ASAP1: variants seen among roughly 807,000 people sequenced by gnomAD.
The protein encoded by ASAP1 is arf-GAP with SH3 domain, ANK repeat and PH domain-containing protein 1.
Under a neutral mutation model 145.2 loss-of-function variants are expected in ASAP1, and 43 were observed. That is an observed-to-expected ratio of 0.30 (90% confidence interval 0.23 to 0.38). The LOEUF is 0.38. Among genes scored for constraint, ASAP1 ranks in the 10% least tolerant of loss-of-function variants. The pLI is 1.00. For missense variants in ASAP1, 1,018 were observed against 1,355.3 expected, an observed-to-expected ratio of 0.75 and a Z score of 3.91; for synonymous variants, 546 against 515.5, an observed-to-expected ratio of 1.06 and a Z score of -0.80.
chr8:130,251,204 G>A (rs960756238), intron 3 of ASAP1, among the ~76,000 whole-genome samples: 6 of 152,100 alleles, frequency 3.9e-5, no homozygotes, highest in African/African-American at 1.2e-4. Context: ...GATCACTTGA[G>A]GTCAGGAGTT....
chr8:130,347,690 T>A (rs1825778294), intron 3 of ASAP1, among the ~76,000 whole-genome samples: 1 of 152,096 alleles, frequency 6.6e-6, no homozygotes, highest in African/African-American at 2.4e-5. Flanking sequence ...GCAAGGGTGG[T>A]CTCCTGACCC....
intron 1 of ASAP1, among the ~76,000 whole-genome samples, chr8:130,413,226 T>C (rs1403021171): frequency 6.6e-6 from 1 of 152,226 alleles, no homozygotes; most frequent in Non-Finnish European, 1.5e-5. Flanking sequence ...AGGAGAGGTC[T>C]CTGCTGCATG....
intron 2 of ASAP1, among the ~76,000 whole-genome samples, chr8:130,396,688 G>A (rs58262391): frequency 0.01 from 1,584 of 152,274 alleles, 23 homozygotes; most frequent in African/African-American, 0.037. Context: ...CACGTTTCCC[G>A]TCCATGTGCA....
At position 130,419,038 on chromosome 8, in the gene ASAP1, T is replaced by C. The variant is rs73427421; in HGVS notation, c.-27-17068A>G. 5.8e-3 allele frequency among the ~76,000 whole-genome samples: 879 copies of C among 152,258 alleles called. 8 individuals carry two copies. The highest frequency in any genetic ancestry group is 0.021 in the African/African-American group (852 of 41,548). ...CTGTTCAGCAGGCCTGAGCCGAACA[T>C]GGCACATCAGGCCCTGCAGCCAGGG... On this transcript the variant is annotated intron_variant, in intron 1 of 29. Transcript: ENST00000518721.
intron 3 of ASAP1, among the ~76,000 whole-genome samples, chr8:130,311,310 T>C (rs1340499007): frequency 6.6e-6 from 1 of 152,210 alleles, no homozygotes; most frequent in African/African-American, 2.4e-5. Context: ...GGTATCCAAA[T>C]AGGTGGTAAT....
chr8:130,393,729 C>T (rs540473844), intron 2 of ASAP1, among the ~76,000 whole-genome samples: 1 of 152,336 alleles, frequency 6.6e-6, no homozygotes, highest in South Asian at 2.1e-4. Flanking sequence ...GCACTCCAGA[C>T]TGGGTGACAG....
Position 130,136,216 on chromosome 8 carries a change from A to G in ASAP1, c.1168+735T>C, listed in dbSNP as rs1486466649. ...CACCCATAGGAATCAGTACAAGCACAGGTAGCCAGCCTAAAGGAACATCTC... is the reference window on the plus strand; with the variant it reads ...CACCCATAGGAATCAGTACAAGCACGGGTAGCCAGCCTAAAGGAACATCTC... On this transcript the variant is annotated intron_variant, in intron 14 of 29. Transcript: ENST00000518721. Among the ~76,000 whole-genome samples, 4 of 152,180 alleles carry G rather than the reference A, an allele frequency of 2.6e-5. No individual in the cohort carries two copies. In the East Asian group the frequency reaches 7.7e-4, roughly 29 times the overall value.
intron 2 of ASAP1, among the ~76,000 whole-genome samples, chr8:130,379,444 T>C (rs1827663278): frequency 6.6e-6 from 1 of 152,168 alleles, no homozygotes; most frequent in Admixed American, 6.5e-5. Flanking sequence ...TGTGGAAACC[T>C]CTCAATTTAT....
chr8:130,064,317 G>T (rs776676810), intron 27 of ASAP1, among the ~76,000 whole-genome samples: 8 of 152,114 alleles, frequency 5.3e-5, no homozygotes, highest in Non-Finnish European at 1.0e-4. Flanking sequence ...GTGGAAGGGG[G>T]AAGAAACAGT....
Position 130,077,842 on chromosome 8 carries a change from T to C in ASAP1, c.2643-1436A>G, listed in dbSNP as rs2135292131. ...CCTGTCTCTGGGCAACGGGGGAATA[T>C]TGCTGAGATAAAGCCACCACTAAAC... On this transcript the variant is annotated intron_variant, in intron 26 of 29. Coordinates refer to ENST00000518721, the MANE Select transcript of ASAP1 (RefSeq NM_018482.4). 1.3e-5 allele frequency among the ~76,000 whole-genome samples: 2 copies of C among 152,278 alleles called. 1 individual carries two copies. The highest frequency in any genetic ancestry group is 4.1e-4 in the South Asian group (2 of 4,828).
chr8:130,066,832 A>G (rs2097431902), intron 27 of ASAP1, among the ~76,000 whole-genome samples: 1 of 152,206 alleles, frequency 6.6e-6, no homozygotes, highest in African/African-American at 2.4e-5. Context: ...CTCAGCAGCC[A>G]AGACTGAGGG....
chr8:130,310,828 T>C (rs759769921), intron 3 of ASAP1, among the ~76,000 whole-genome samples: 10 of 152,206 alleles, frequency 6.6e-5, no homozygotes, highest in Non-Finnish European at 1.5e-4. Context: ...AACAATTCCA[T>C]TTCCCTATAT....
chr8:130,287,014 G>A (rs75030312), intron 3 of ASAP1, among the ~76,000 whole-genome samples: 14,357 of 152,166 alleles, frequency 0.094, 872 homozygotes, highest in South Asian at 0.27. Context: ...ACTTCTTGGT[G>A]GCCAAGGAGG....
At chr8:130,234,673 G>T (rs562185948) in intron 4 of ASAP1, among the ~76,000 whole-genome samples, 1 of 152,116 alleles carries the variant, frequency 6.6e-6, no homozygotes, top group East Asian at 1.9e-4. Context: ...TCTTGAGGGG[G>T]AACATTTGGA....
At chr8:130,395,520 G>C (rs754568387) in intron 2 of ASAP1, among the ~76,000 whole-genome samples, 1 of 152,232 alleles carries the variant, frequency 6.6e-6, no homozygotes, top group Non-Finnish European at 1.5e-5. Flanking sequence ...GAGTGATGAG[G>C]CTGCAAGCTG....
intron 2 of ASAP1, among the ~76,000 whole-genome samples, chr8:130,382,546 C>T (rs866600522): frequency 2.4e-4 from 36 of 152,196 alleles, no homozygotes; most frequent in African/African-American, 8.0e-4. Context: ...ATCCCCAGCA[C>T]GCAGTGCTAC....
chr8:130,383,893 C>T (rs1000424245), intron 2 of ASAP1, among the ~76,000 whole-genome samples: 2 of 152,146 alleles, frequency 1.3e-5, no homozygotes, highest in African/African-American at 4.8e-5. Flanking sequence ...AAAGGACTTG[C>T]CCATGTCTCC....
chr8:130,300,832 A>G (rs923289241), intron 3 of ASAP1, among the ~76,000 whole-genome samples: 2 of 152,192 alleles, frequency 1.3e-5, no homozygotes, highest in Admixed American at 1.3e-4. Flanking sequence ...ACATCATCCA[A>G]ATCTTTATCT....
At chr8:130,242,272 A>AAAAC (rs1554855702) in intron 3 of ASAP1, among the ~76,000 whole-genome samples, 13 of 149,650 alleles carry the variant, frequency 8.7e-5, no homozygotes, top group African/African-American at 3.2e-4. Flanking sequence ...AAAAAAAAAA[A>AAAAC]AAAAAAAAAA....
Sources: gnomAD v4.1 joint callset for allele counts (sites outside exome capture counted in the v4.1 genomes callset) on GRCh38, gnomAD v4.1.1 for gene constraint, MANE v1.5 for transcripts, NCBI Gene and HGNC (gene_info 2026-07-23, HGNC 2026-07-21) for gene names.